The following COX7B2 variants were observed in gnomAD, a reference collection of about 807,000 sequenced individuals.
The protein encoded by COX7B2 is cytochrome c oxidase subunit 7B2, also known as cytochrome c oxidase subunit 7B2, mitochondrial.
For synonymous variants in COX7B2, 37 were observed against 32.1 expected, an observed-to-expected ratio of 1.15 and a Z score of -0.51; for missense variants, 109 against 95.9, an observed-to-expected ratio of 1.14 and a Z score of -0.57.
chr4:46,820,020 G>A (rs538528841), intron 2 of COX7B2, among the ~76,000 whole-genome samples: 5 of 152,254 alleles, frequency 3.3e-5, no homozygotes, highest in Non-Finnish European at 5.9e-5. Context: ...ACCAGGAACC[G>A]GTTTCGTGGA....
chr4:46,833,059 C>T (rs1201458409), intron 2 of COX7B2, among the ~76,000 whole-genome samples: 3 of 152,094 alleles, frequency 2.0e-5, no homozygotes, highest in East Asian at 1.9e-4. Context: ...GCATGTACCA[C>T]GGTGCCCGGC....
intron 1 of COX7B2, among the ~76,000 whole-genome samples, chr4:46,871,238 A>C (rs1168874098): frequency 6.6e-6 from 1 of 152,138 alleles, no homozygotes; most frequent in Non-Finnish European, 1.5e-5. Flanking sequence ...AACAAGCAAC[A>C]GGGAAATGCT....
At chr4:46,763,002 TATAC>T (rs1716282424) in intron 2 of COX7B2, among the ~76,000 whole-genome samples, 1 of 117,500 alleles carries the variant, frequency 8.5e-6, no homozygotes, top group Non-Finnish European at 1.7e-5. Flanking sequence ...GTATATTAAA[TATAC>T]ATAATTATAA....
At chr4:46,877,524 G>A (rs1718421145) in intron 1 of COX7B2, among the ~76,000 whole-genome samples, 1 of 152,028 alleles carries the variant, frequency 6.6e-6, no homozygotes, top group African/African-American at 2.4e-5. Flanking sequence ...TAGGAATTAA[G>A]CTGTTCTACT....
intron 2 of COX7B2, among the ~76,000 whole-genome samples, chr4:46,839,126 G>C (rs1715751919): frequency 6.6e-6 from 1 of 152,068 alleles, no homozygotes; most frequent in East Asian, 1.9e-4. Context: ...TTCTCACAGA[G>C]ACTTTGCTGA....
chr4:46,904,979 G>A (rs543365983), intron 1 of COX7B2, among the ~76,000 whole-genome samples: 1 of 152,282 alleles, frequency 6.6e-6, no homozygotes, highest in African/African-American at 2.4e-5. Flanking sequence ...TTATGACTCT[G>A]AAGCCAGATT....
rs12640527 is a variant in COX7B2, at chr4:46,894,412, G to C, written c.-105+14748C>G. Among the ~76,000 whole-genome samples the C allele has an allele frequency of 2.6e-5, 4 of 152,002 alleles. No homozygotes were observed. In the East Asian group the frequency reaches 7.7e-4, roughly 29 times the overall value. On this transcript the variant is annotated intron_variant, in intron 1 of 2. Coordinates refer to ENST00000355591, the MANE Select transcript of COX7B2 (RefSeq NM_130902.3). ...GGAAAAGACCCCCTATTCAATAAAC[G>C]GTGCTGGAATAACAGGTTACCTATA...
Position 46,851,245 on chromosome 4 carries a change from A to T in COX7B2, c.-104-6231T>A, listed in dbSNP as rs146332507. The stretch of plus-strand genomic sequence containing the variant: ...TATTATTTGAGAGGAACCAGAAAAG[A>T]TAAAGAAATTGCATATCTAAGATAA... On this transcript the variant is annotated intron_variant, in intron 1 of 2. Transcript: ENST00000355591. Among the ~76,000 whole-genome samples the T allele has an allele frequency of 1.6e-3, 250 of 152,212 alleles. 2 individuals carry two copies. Among genetic ancestry groups the T allele is most frequent in the African/African-American group, 5.7e-3 (238 of 41,564 alleles).
chr4:46,872,632 T>C (rs559369313), intron 1 of COX7B2, among the ~76,000 whole-genome samples: 136 of 152,288 alleles, frequency 8.9e-4, no homozygotes, highest in African/African-American at 3.1e-3. Flanking sequence ...TCACAAATTA[T>C]GTCAATAGAG....
chr4:46,810,536 C>T (rs532085702), intron 2 of COX7B2, among the ~76,000 whole-genome samples: 7 of 152,012 alleles, frequency 4.6e-5, no homozygotes, highest in Middle Eastern at 3.4e-3. Flanking sequence ...TACAAAAACT[C>T]GAGACTTTAA....
At chr4:46,830,962 C>A (rs919260427) in intron 2 of COX7B2, among the ~76,000 whole-genome samples, 1 of 152,222 alleles carries the variant, frequency 6.6e-6, no homozygotes, top group African/African-American at 2.4e-5. Flanking sequence ...CCCTTCAGCC[C>A]GACACTGCAC....
At position 46,735,067 on chromosome 4, in the gene COX7B2, C is replaced by T. The variant is rs781716212; in HGVS notation, c.126G>A (p.Val42=). 4 of 1,613,922 alleles carry T rather than the reference C, an allele frequency of 2.5e-6. No homozygotes were observed. The highest frequency in any genetic ancestry group is 2.7e-5 in the African/African-American group (2 of 74,912). The change falls in exon 3 of 3, where the codon GTG becomes GTA. Residue 42 remains valine (V), a synonymous_variant. Coordinates refer to ENST00000355591, the MANE Select transcript of COX7B2 (RefSeq NM_130902.3). ...PDFHDKYGNA[V]LASGTAFCVA... ...CACAGAAAGCAGTTCCACTGGCTAG[C>T]ACAGCATTACCATATTTATCATGAA...
intron 2 of COX7B2, among the ~76,000 whole-genome samples, chr4:46,803,500 T>C (rs1226597549): frequency 6.6e-6 from 1 of 152,166 alleles, no homozygotes; most frequent in Non-Finnish European, 1.5e-5. Flanking sequence ...TAGTCATATT[T>C]TTTAAAGACT....
At chr4:46,799,665 C>T (rs1282448174) in intron 2 of COX7B2, among the ~76,000 whole-genome samples, 2 of 151,810 alleles carry the variant, frequency 1.3e-5, no homozygotes, top group Non-Finnish European at 2.9e-5. Flanking sequence ...TATTTATTCA[C>T]TTATGCAGTT....
intron 1 of COX7B2, among the ~76,000 whole-genome samples, chr4:46,905,810 A>ATTTCTT (rs1720343921): frequency 2.6e-4 from 16 of 60,466 alleles, no homozygotes; most frequent in African/African-American, 9.5e-4. Flanking sequence ...ATAAGCATAT[A>ATTTCTT]TTTCTTTTTT....
At chr4:46,838,038 C>A (rs1398117014) in intron 2 of COX7B2, among the ~76,000 whole-genome samples, 1 of 151,998 alleles carries the variant, frequency 6.6e-6, no homozygotes, top group Non-Finnish European at 1.5e-5. Flanking sequence ...AAACAGTATA[C>A]TCTAGAGTTT....
intron 2 of COX7B2, among the ~76,000 whole-genome samples, chr4:46,843,701 A>G (rs1039588918): frequency 6.6e-6 from 1 of 152,048 alleles, no homozygotes; most frequent in South Asian, 2.1e-4. Context: ...TAAATTTCAA[A>G]CAATTTATAT....
intron 2 of COX7B2, among the ~76,000 whole-genome samples, chr4:46,741,243 G>A (rs1304442656): frequency 6.6e-6 from 1 of 152,084 alleles, no homozygotes; most frequent in African/African-American, 2.4e-5. Context: ...TGAAGCTCAA[G>A]AAGGCATTAA....
chr4:46,842,992 G>T (rs1716036141), intron 2 of COX7B2, among the ~76,000 whole-genome samples: 1 of 152,010 alleles, frequency 6.6e-6, no homozygotes, highest in Non-Finnish European at 1.5e-5. Context: ...TTTCCACAAT[G>T]GTTGAACTAG....
Sources: gnomAD v4.1 joint callset for allele counts (sites outside exome capture counted in the v4.1 genomes callset) on GRCh38, gnomAD v4.1.1 for gene constraint, MANE v1.5 for transcripts, NCBI Gene and HGNC (gene_info 2026-07-23, HGNC 2026-07-21) for gene names.